LRRC1: variants seen among roughly 807,000 people sequenced by gnomAD.
The protein encoded by LRRC1 is leucine rich repeat containing 1.
Under a neutral mutation model 69.9 loss-of-function variants are expected in LRRC1, and 28 were observed. The ratio of observed to expected loss-of-function variants is 0.40; its 90% confidence interval spans 0.30 to 0.55. The LOEUF (loss-of-function observed/expected upper bound fraction) is 0.55. LRRC1 is among the 20% of genes least tolerant of loss of function. The pLI, the probability that LRRC1 is intolerant of heterozygous loss-of-function variation, is 0.47. For synonymous variants in LRRC1, 236 were observed against 240.2 expected, an observed-to-expected ratio of 0.98 and a Z score of 0.16; for missense variants, 498 against 609.0, an observed-to-expected ratio of 0.82 and a Z score of 1.92.
At chr6:53,902,311 T>A (rs1768085428) in intron 8 of LRRC1, among the ~76,000 whole-genome samples, 1 of 152,210 alleles carries the variant, frequency 6.6e-6, no homozygotes, top group African/African-American at 2.4e-5. Context: ...GAAAGTCTCC[T>A]CTGTGCATGA....
At chr6:53,829,780 G>T (rs1398934999) in intron 1 of LRRC1, among the ~76,000 whole-genome samples, 2 of 152,184 alleles carry the variant, frequency 1.3e-5, no homozygotes, top group Admixed American at 1.3e-4. Context: ...ACCGAGAACG[G>T]ATTGTGCCCT....
At chr6:53,853,627 A>G (rs1766216964) in intron 2 of LRRC1, among the ~76,000 whole-genome samples, 2 of 152,190 alleles carry the variant, frequency 1.3e-5, no homozygotes, top group Admixed American at 1.3e-4. Context: ...ATCCCATAAA[A>G]AGTAGAAGAG....
At chr6:53,907,700 T>G (rs1413481957) in intron 10 of LRRC1, among the ~76,000 whole-genome samples, 1 of 152,142 alleles carries the variant, frequency 6.6e-6, no homozygotes, top group Non-Finnish European at 1.5e-5. Flanking sequence ...TGTGTGCTCT[T>G]CATTGTAAAA....
intron 9 of LRRC1, 34 bp downstream of exon 9, chr6:53,902,781 T>TA: frequency 7.7e-7 from 1 of 1,302,168 alleles, no homozygotes; most frequent in Non-Finnish European, 1.1e-6. Flanking sequence ...CATAAAGACT[T>TA]ACTAGGGTAG....
chr6:53,869,316 G>A (rs1229262731), intron 2 of LRRC1, among the ~76,000 whole-genome samples: 1 of 152,004 alleles, frequency 6.6e-6, no homozygotes, highest in African/African-American at 2.4e-5. Context: ...GGGGTCTGGG[G>A]GAAATACTCA....
chr6:53,844,418 A>G (rs185918951), intron 2 of LRRC1, among the ~76,000 whole-genome samples: 15 of 152,308 alleles, frequency 9.8e-5, no homozygotes, highest in African/African-American at 3.6e-4. Flanking sequence ...CCAGTCCCGT[A>G]ATTAACTCTA....
At chr6:53,891,950 C>G (rs1328068398) in intron 4 of LRRC1, among the ~76,000 whole-genome samples, 1 of 148,138 alleles carries the variant, frequency 6.8e-6, no homozygotes, top group Non-Finnish European at 1.5e-5. Context: ...CAAGATCACA[C>G]CACTGCACTC....
At chr6:53,822,132 G>A (rs970748993) in intron 1 of LRRC1, among the ~76,000 whole-genome samples, 8 of 152,130 alleles carry the variant, frequency 5.3e-5, no homozygotes, top group African/African-American at 1.9e-4. Context: ...TAGTTTTAAA[G>A]TGTCAGGTGG....
chr6:53,899,401 G>A (rs761872079), intron 7 of LRRC1, among the ~76,000 whole-genome samples: 2 of 152,204 alleles, frequency 1.3e-5, no homozygotes, highest in African/African-American at 2.4e-5. Flanking sequence ...GATCAATTCC[G>A]AACTTGAAAA....
intron 10 of LRRC1, among the ~76,000 whole-genome samples, chr6:53,913,011 G>A (rs575295788): frequency 2.6e-5 from 4 of 152,200 alleles, no homozygotes; most frequent in African/African-American, 9.6e-5. Context: ...AAAAACCACC[G>A]CCAATTTGTT....
intron 1 of LRRC1, among the ~76,000 whole-genome samples, chr6:53,819,925 A>G (rs1018488708): frequency 3.9e-5 from 6 of 152,178 alleles, no homozygotes; most frequent in Non-Finnish European, 8.8e-5. Context: ...TATTGAGTTT[A>G]TAGTTCAGTT....
At chr6:53,844,441 G>A (rs963258949) in intron 2 of LRRC1, among the ~76,000 whole-genome samples, 8 of 152,156 alleles carry the variant, frequency 5.3e-5, no homozygotes, top group African/African-American at 1.7e-4. Context: ...GGGATGCTCC[G>A]TGGGAAGTCA....
At chr6:53,813,673 C>T (rs938680456) in intron 1 of LRRC1, among the ~76,000 whole-genome samples, 3 of 150,662 alleles carry the variant, frequency 2.0e-5, no homozygotes, top group African/African-American at 7.3e-5. Flanking sequence ...ATCAGGTATA[C>T]AGGTTGGGTT....
chr6:53,829,870 G>T (rs1353870377), intron 1 of LRRC1, among the ~76,000 whole-genome samples: 1 of 152,114 alleles, frequency 6.6e-6, no homozygotes. Flanking sequence ...TTGGGATTAT[G>T]ATTGGGAGTT....
chr6:53,831,649 TC>T (rs1394469558), intron 1 of LRRC1, among the ~76,000 whole-genome samples: 1 of 152,172 alleles, frequency 6.6e-6, no homozygotes, highest in Non-Finnish European at 1.5e-5. Context: ...AGAGATAAAG[TC>T]CTTTTCTTTC....
rs528394263 is a variant in LRRC1, at chr6:53,875,178, C to G, written c.278-3815C>G. On this transcript the variant is annotated intron_variant, in intron 2 of 13. Transcript: ENST00000370888. ...TGTTAATGCCTTTGACACAGTAATT[C>G]TACTTCTGGGAACATAGCCTAAGGA... Among the ~76,000 whole-genome samples the G allele has an allele frequency of 4.6e-5, 7 of 152,222 alleles. No individual in the cohort carries two copies. In the South Asian group the frequency reaches 1.5e-3, roughly 32 times the overall value.
intron 1 of LRRC1, among the ~76,000 whole-genome samples, chr6:53,798,446 T>G (rs1764365142): frequency 6.6e-6 from 1 of 152,232 alleles, no homozygotes; most frequent in African/African-American, 2.4e-5. Flanking sequence ...TGGCACGATC[T>G]CCACTCACTG....
intron 10 of LRRC1, among the ~76,000 whole-genome samples, chr6:53,906,463 A>G (rs532347870): frequency 6.6e-6 from 1 of 152,362 alleles, no homozygotes; most frequent in African/African-American, 2.4e-5. Flanking sequence ...ATTCCCAGCA[A>G]GTTTCACCAC....
intron 1 of LRRC1, among the ~76,000 whole-genome samples, chr6:53,804,009 G>T (rs1367241102): frequency 6.6e-6 from 1 of 152,220 alleles, no homozygotes. Context: ...AAACCTCTCA[G>T]GATGTGATGT....
Sources: gnomAD v4.1 joint callset for allele counts (sites outside exome capture counted in the v4.1 genomes callset) on GRCh38, gnomAD v4.1.1 for gene constraint, MANE v1.5 for transcripts, NCBI Gene and HGNC (gene_info 2026-07-23, HGNC 2026-07-21) for gene names.